KLF13: variants seen among roughly 807,000 people sequenced by gnomAD.
KLF13 encodes the protein Krueppel-like factor 13.
KLF13 carries 8 observed loss-of-function variants against 16.7 expected under a neutral mutation model. The ratio of observed to expected loss-of-function variants is 0.48; its 90% confidence interval spans 0.28 to 0.87. The LOEUF is 0.87. Ranked by LOEUF, KLF13 falls within the 40% of genes least tolerant of loss-of-function variation. The pLI is 0.10. For missense variants in KLF13, 447 were observed against 452.2 expected, an observed-to-expected ratio of 0.99 and a Z score of 0.10; for synonymous variants, 245 against 208.4, an observed-to-expected ratio of 1.18 and a Z score of -1.51.
intron 1 of KLF13, among the ~76,000 whole-genome samples, chr15:31,427,639 T>A (rs777879084): frequency 3.3e-5 from 5 of 152,226 alleles, no homozygotes; most frequent in African/African-American, 9.6e-5. Flanking sequence ...TTTCTCACAC[T>A]GTTATAAAGA....
At position 31,374,697 on chromosome 15, in the gene KLF13, C is replaced by G. The variant is rs940698030; in HGVS notation, c.*2398C>G. The G allele has an allele frequency of 6.6e-6, 1 of 152,404 alleles. No individual in the cohort carries two copies. Among genetic ancestry groups the G allele is most frequent in the African/African-American group, 2.4e-5 (1 of 41,394 alleles). 9.4% of individuals were successfully genotyped at this position (152,404 alleles called of 1,614,324 possible). On this transcript the variant is annotated 3_prime_UTR_variant, in exon 2 of 2. Coordinates refer to ENST00000307145, the MANE Select transcript of KLF13 (RefSeq NM_015995.4). ...GTCCCTGGGAGGCTGGCAAAGTGCT[C>G]TCCAGGGAGGGGTCAGACGTCCTTG...
chr15:31,340,151 C>T lies in KLF13; in HGVS notation c.577+12362C>T, dbSNP rs377508926. ...GGTCTATTTGGGTCCCTTCTCACGA[C>T]TGAGGCAGGCTGAGGATGTACCCAG... On this transcript the variant is annotated intron_variant, in intron 1 of 1. Coordinates refer to ENST00000307145, the MANE Select transcript of KLF13 (RefSeq NM_015995.4). 2.2e-4 allele frequency among the ~76,000 whole-genome samples: 34 copies of T among 152,364 alleles called. No individual in the cohort carries two copies. The East Asian group carries it at 5.6e-3, about 25-fold the overall frequency.
At chr15:31,395,711 T>G (rs764178601) in intron 2 of KLF13, among the ~76,000 whole-genome samples, 2 of 152,142 alleles carry the variant, frequency 1.3e-5, no homozygotes, top group Admixed American at 6.5e-5. Context: ...CTTATTGTGG[T>G]TTTGATTTGC....
chr15:31,432,577 T>G (rs2040487139), intron 1 of KLF13, among the ~76,000 whole-genome samples: 1 of 151,778 alleles, frequency 6.6e-6, no homozygotes, highest in Non-Finnish European at 1.5e-5. Flanking sequence ...GCTTCCTGAG[T>G]AGCTGGGACT....
chr15:31,366,976 T>C (rs1024094014), intron 1 of KLF13, among the ~76,000 whole-genome samples: 1 of 152,264 alleles, frequency 6.6e-6, no homozygotes, highest in African/African-American at 2.4e-5. Flanking sequence ...ACGACTGGAA[T>C]GCGTGCTTGG....
intron 1 of KLF13, among the ~76,000 whole-genome samples, chr15:31,384,381 G>A (rs761530865): frequency 4.0e-5 from 6 of 151,530 alleles, no homozygotes; most frequent in Non-Finnish European, 5.9e-5. Context: ...GCAGTGAGCC[G>A]AGATCACACC....
intron 1 of KLF13, among the ~76,000 whole-genome samples, chr15:31,354,211 C>T (rs1242212147): frequency 6.6e-6 from 1 of 152,178 alleles, no homozygotes. Context: ...TGGGACTTTG[C>T]CTGCCTGGGG....
intron 1 of KLF13, among the ~76,000 whole-genome samples, chr15:31,361,210 G>A (rs2039378692): frequency 6.6e-6 from 1 of 152,144 alleles, no homozygotes; most frequent in African/African-American, 2.4e-5. Flanking sequence ...ACTGTGGGTG[G>A]GTGCCCCTGC....
At chr15:31,352,225 G>T (rs1404343417) in intron 1 of KLF13, among the ~76,000 whole-genome samples, 1 of 152,232 alleles carries the variant, frequency 6.6e-6, no homozygotes, top group Non-Finnish European at 1.5e-5. Context: ...TGGAGGCTTT[G>T]TGATCCAGCC....
At chr15:31,347,578 G>A (rs536761649) in intron 1 of KLF13, among the ~76,000 whole-genome samples, 93 of 152,340 alleles carry the variant, frequency 6.1e-4, no homozygotes, top group Non-Finnish European at 1.1e-3. Flanking sequence ...CATGAGGGAC[G>A]AGGGCATCCT....
At chr15:31,339,996 C>T (rs2038995319) in intron 1 of KLF13, 1 of 702,266 alleles carries the variant, frequency 1.4e-6, no homozygotes, top group South Asian at 1.5e-5. Context: ...AGGTGAGGAT[C>T]CAGGGAAGTG....
intron 1 of KLF13, among the ~76,000 whole-genome samples, chr15:31,429,699 AT>A (rs2040447246): frequency 3.0e-3 from 1 of 338 alleles, no homozygotes; most frequent in Admixed American, 0.029. Flanking sequence ...AGATTCTTTT[AT>A]TTATTTATTT....
At chr15:31,386,048 T>A (rs1222271463) in intron 1 of KLF13, among the ~76,000 whole-genome samples, 2 of 152,214 alleles carry the variant, frequency 1.3e-5, no homozygotes, top group African/African-American at 4.8e-5. Flanking sequence ...GTGGCTTGGA[T>A]AGAAGATCAA....
chr15:31,342,885 C>T (rs1226834681), intron 1 of KLF13, among the ~76,000 whole-genome samples: 3 of 152,276 alleles, frequency 2.0e-5, no homozygotes, highest in Non-Finnish European at 4.4e-5. Flanking sequence ...TGTATAGAGG[C>T]GCTTCCTGTG....
chr15:31,410,224 A>G (rs1394376745), intron 1 of KLF13, among the ~76,000 whole-genome samples: 2 of 152,092 alleles, frequency 1.3e-5, no homozygotes, highest in Non-Finnish European at 2.9e-5. Flanking sequence ...CAGGAAAACC[A>G]CCAAAAGTAT....
At chr15:31,427,838 G>T (rs575509636) in intron 1 of KLF13, among the ~76,000 whole-genome samples, 1 of 151,926 alleles carries the variant, frequency 6.6e-6, no homozygotes, top group Non-Finnish European at 1.5e-5. Context: ...GAGAGGGGAA[G>T]TGCTACACTT....
intron 1 of KLF13, among the ~76,000 whole-genome samples, chr15:31,364,033 T>TA (rs954846004): frequency 6.6e-6 from 1 of 152,184 alleles, no homozygotes; most frequent in Non-Finnish European, 1.5e-5. Context: ...TTTGCACAGT[T>TA]ACCACTACCT....
chr15:31,374,595 G>A lies in KLF13; in HGVS notation c.*2296G>A, dbSNP rs1339103819. On this transcript the variant is annotated 3_prime_UTR_variant, in exon 2 of 2. Coordinates refer to ENST00000307145, the MANE Select transcript of KLF13 (RefSeq NM_015995.4). ...TATGTCTCAGGAATTCACATTCCAG[G>A]TTCAGGAATTTTATTCCAAAGTCCT... 1 of 152,506 alleles carries A rather than the reference G, an allele frequency of 6.6e-6. No individual in the cohort carries two copies. Among genetic ancestry groups the A allele is most frequent in the African/African-American group, 2.4e-5 (1 of 41,400 alleles). 9.4% of individuals were successfully genotyped at this position (152,506 alleles called of 1,614,324 possible).
intron 1 of KLF13, among the ~76,000 whole-genome samples, chr15:31,417,141 A>G (rs1439147817): frequency 6.6e-6 from 1 of 152,116 alleles, no homozygotes; most frequent in Non-Finnish European, 1.5e-5. Context: ...CAAGATGCTG[A>G]CCCCTTGATC....
Sources: allele counts gnomAD v4.1 joint callset (sites outside exome capture counted in the v4.1 genomes callset), GRCh38; gene constraint gnomAD v4.1.1; transcripts MANE v1.5; gene names NCBI Gene and HGNC (gene_info 2026-07-23, HGNC 2026-07-21).